Variants in OR1J2 observed in about 807,000 individuals in gnomAD.
OR1J2 encodes olfactory receptor family 1 subfamily J member 2.
For synonymous variants in OR1J2, 142 were observed against 99.7 expected, an observed-to-expected ratio of 1.42 and a Z score of -2.52; for missense variants, 304 against 246.1, an observed-to-expected ratio of 1.24 and a Z score of -1.57.
At chr9:122,540,417 G>C in the OR1J2 span, among the ~76,000 whole-genome samples, 7 of 152,286 alleles carry the variant, frequency 4.6e-5, no homozygotes, top group African/African-American at 1.7e-4. Flanking sequence ...TCAAAGATCA[G>C]ATAGTTGTAG....
At chr9:122,547,066 C>CA in the OR1J2 span, among the ~76,000 whole-genome samples, 2 of 151,102 alleles carry the variant, frequency 1.3e-5, no homozygotes, top group African/African-American at 4.9e-5. Context: ...TAGCTGTAAT[C>CA]AAAAATAATT....
the OR1J2 span, among the ~76,000 whole-genome samples, chr9:122,562,956 T>TTGTAAATAGTGC: frequency 6.6e-6 from 1 of 152,244 alleles, no homozygotes; most frequent in Non-Finnish European, 1.5e-5. Flanking sequence ...ATCTTGGCTG[T>TTGTAAATAGTGC]TGTAAATAGT....
At chr9:122,564,213 T>A in the OR1J2 span, among the ~76,000 whole-genome samples, 1 of 152,150 alleles carries the variant, frequency 6.6e-6, no homozygotes, top group Non-Finnish European at 1.5e-5. Flanking sequence ...TTAATGAAAT[T>A]TTAGCTCAGA....
At chr9:122,549,227 A>G in the OR1J2 span, among the ~76,000 whole-genome samples, 1 of 152,052 alleles carries the variant, frequency 6.6e-6, no homozygotes, top group Non-Finnish European at 1.5e-5. Flanking sequence ...TTAAGACAGC[A>G]TGGCATCCCT....
the OR1J2 span, among the ~76,000 whole-genome samples, chr9:122,548,416 C>T: frequency 6.6e-6 from 1 of 152,128 alleles, no homozygotes; most frequent in Admixed American, 6.5e-5. Flanking sequence ...GAAATGTCAT[C>T]TCTTGTTTTT....
chr9:122,553,000 T>C, the OR1J2 span: 1 of 607,368 alleles, frequency 1.6e-6, no homozygotes. Context: ...TGAATGGATA[T>C]TATCTTAACT....
chr9:122,532,002 T>C, the OR1J2 span, among the ~76,000 whole-genome samples: 4 of 149,080 alleles, frequency 2.7e-5, no homozygotes, highest in Non-Finnish European at 6.0e-5. Flanking sequence ...CTGAGCTTGA[T>C]GTGTAGGGAA....
the OR1J2 span, among the ~76,000 whole-genome samples, chr9:122,471,722 G>T: frequency 6.6e-6 from 1 of 152,172 alleles, no homozygotes; most frequent in South Asian, 2.1e-4. Flanking sequence ...GTCCTTAAAA[G>T]ATCCTATTGA....
chr9:122,485,960 GT>G, the OR1J2 span, among the ~76,000 whole-genome samples: 1,375 of 138,600 alleles, frequency 9.9e-3, 7 homozygotes, highest in African/African-American at 0.013. Context: ...TCCCACATAA[GT>G]TTTTTTTTTT....
chr9:122,470,934 T>G, the OR1J2 span, among the ~76,000 whole-genome samples: 49,906 of 152,146 alleles, frequency 0.33, 9,467 homozygotes, highest in Non-Finnish European at 0.45. Context: ...ACCCAATACC[T>G]GTACCCCCAT....
chr9:122,511,581 T>C lies in OR1J2; in HGVS notation c.780T>C (p.Leu260=). ...LYYGSIFGQY[L]FPTVSSSIDK... is the part of the protein sequence containing the mutation. ...ATGGGTCAATATTTGGCCAGTACCTTTTCCCGACTGTAAGCAGTTCTATTG... is the reference window on the plus strand; with the variant it reads ...ATGGGTCAATATTTGGCCAGTACCTCTTCCCGACTGTAAGCAGTTCTATTG... The change falls in exon 1 of 1, where the codon CTT becomes CTC. Residue 260 remains leucine, a synonymous_variant. Coordinates refer to ENST00000335302, the MANE Select transcript of OR1J2 (RefSeq NM_054107.1). The C allele has an allele frequency of 1.3e-6, 1 of 781,036 alleles. No homozygotes were observed. Among genetic ancestry groups the C allele is most frequent in the Non-Finnish European group, 2.4e-6 (1 of 418,122 alleles). 48.4% of individuals were successfully genotyped at this position (781,036 alleles called of 1,614,324 possible).
chr9:122,482,894 A>G, the OR1J2 span, among the ~76,000 whole-genome samples: 4 of 152,190 alleles, frequency 2.6e-5, no homozygotes, highest in Admixed American at 2.6e-4. Flanking sequence ...AAATTGGTCA[A>G]CAGCTACAAA....
the OR1J2 span, among the ~76,000 whole-genome samples, chr9:122,451,695 A>G: frequency 6.6e-6 from 1 of 152,206 alleles, no homozygotes; most frequent in Non-Finnish European, 1.5e-5. Context: ...TATTACCTGT[A>G]GCAGAAAGAT....
the OR1J2 span, among the ~76,000 whole-genome samples, chr9:122,460,778 CT>C: frequency 6.6e-6 from 1 of 152,098 alleles, no homozygotes; most frequent in African/African-American, 2.4e-5. Flanking sequence ...TCTATGATTT[CT>C]TTCAGCAGGG....
At chr9:122,462,657 CTG>C in the OR1J2 span, among the ~76,000 whole-genome samples, 7 of 152,286 alleles carry the variant, frequency 4.6e-5, no homozygotes, top group East Asian at 1.3e-3. Flanking sequence ...TTGAAAAAGA[CTG>C]TATTTTTCCT....
At chr9:122,470,362 G>A in the OR1J2 span, among the ~76,000 whole-genome samples, 1 of 152,228 alleles carries the variant, frequency 6.6e-6, no homozygotes, top group Non-Finnish European at 1.5e-5. Context: ...CTTCCATGTG[G>A]TGTTGAGCCT....
the OR1J2 span, chr9:122,476,979 A>G: frequency 6.6e-7 from 1 of 1,513,148 alleles, no homozygotes; most frequent in Non-Finnish European, 9.2e-7. Context: ...AAGTGTTGAG[A>G]TTACAGGCAT....
the OR1J2 span, among the ~76,000 whole-genome samples, chr9:122,525,582 C>T: frequency 3.9e-5 from 6 of 152,218 alleles, no homozygotes; most frequent in East Asian, 3.9e-4. Context: ...TAGATGTGGA[C>T]GCAAACCTGC....
At chr9:122,500,505 A>G in the OR1J2 span, among the ~76,000 whole-genome samples, 4 of 152,330 alleles carry the variant, frequency 2.6e-5, no homozygotes, top group East Asian at 5.8e-4. Flanking sequence ...TCTATGTACT[A>G]TCTTGCTATT....
Sources: gnomAD v4.1 joint callset for allele counts (sites outside exome capture counted in the v4.1 genomes callset) on GRCh38, gnomAD v4.1.1 for gene constraint, MANE v1.5 for transcripts, NCBI Gene and HGNC (gene_info 2026-07-23, HGNC 2026-07-21) for gene names.